Variants in GRM8 observed in about 807,000 individuals in gnomAD.
The protein encoded by GRM8 is metabotropic glutamate receptor 8.
In GRM8, 47 loss-of-function variants were observed where a neutral mutation model predicts 87.2. The ratio of observed to expected loss-of-function variants is 0.54; its 90% CI spans 0.43 to 0.69. The LOEUF is 0.69. Ranked by LOEUF, GRM8 falls within the 30% of genes least tolerant of loss-of-function variation. GRM8 has a pLI of 0.00. For missense variants in GRM8, 1,019 were observed against 1,139.2 expected (o/e 0.89, Z 1.52); for synonymous variants, 396 against 404.5 (o/e 0.98, Z 0.25).
chr7:126,464,026 T>C (rs1486598265), intron 9 of GRM8, among the ~76,000 whole-genome samples: 1 of 151,736 alleles, frequency 6.6e-6, no homozygotes, highest in African/African-American at 2.4e-5. Context: ...AGAAGCTGAA[T>C]TGCTTTTCCT....
chr7:126,607,972 G>C (rs1460834878), intron 8 of GRM8, among the ~76,000 whole-genome samples: 1 of 151,620 alleles, frequency 6.6e-6, no homozygotes, highest in Non-Finnish European at 1.5e-5. Context: ...CTGTGGAAGA[G>C]ATGCTGGATG....
chr7:126,455,642 T>G (rs1043392627), intron 9 of GRM8, among the ~76,000 whole-genome samples: 1 of 151,744 alleles, frequency 6.6e-6, no homozygotes, highest in African/African-American at 2.4e-5. Context: ...AAGAGCTGGA[T>G]AAGTTAATCT....
At chr7:126,876,866 A>G (rs2130948229) in intron 6 of GRM8, among the ~76,000 whole-genome samples, 1 of 152,244 alleles carries the variant, frequency 6.6e-6, no homozygotes, top group African/African-American at 2.4e-5. Context: ...TACTTGGGAA[A>G]TATACAGTAC....
chr7:126,675,252 A>T (rs1444332536), intron 7 of GRM8, among the ~76,000 whole-genome samples: 2 of 152,190 alleles, frequency 1.3e-5, no homozygotes, highest in Non-Finnish European at 2.9e-5. Context: ...CCTTAAAAAA[A>T]AATCTCCCTA....
chr7:127,201,767 G>T (rs1044505428), intron 2 of GRM8, among the ~76,000 whole-genome samples: 20 of 152,058 alleles, frequency 1.3e-4, no homozygotes, highest in African/African-American at 4.6e-4. Context: ...AGTACCAATA[G>T]GGTGAAGTCA....
chr7:126,743,666 C>T (rs1815288806), intron 7 of GRM8, among the ~76,000 whole-genome samples: 1 of 152,002 alleles, frequency 6.6e-6, no homozygotes, highest in Non-Finnish European at 1.5e-5. Flanking sequence ...ATTTGAGTTG[C>T]TTCTCTAACA....
intron 8 of GRM8, among the ~76,000 whole-genome samples, chr7:126,587,907 AT>A (rs1027506790): frequency 2.8e-5 from 4 of 144,406 alleles, no homozygotes; most frequent in Admixed American, 6.9e-5. Flanking sequence ...AAATCCCAAG[AT>A]TAAAAAAAAA....
chr7:126,779,815 A>G (rs1358606280), intron 6 of GRM8, among the ~76,000 whole-genome samples: 2 of 152,162 alleles, frequency 1.3e-5, no homozygotes, highest in Non-Finnish European at 2.9e-5. Context: ...GCAAGCCCAG[A>G]TTAAGTCCTA....
intron 9 of GRM8, among the ~76,000 whole-genome samples, chr7:126,501,491 G>A (rs1809636914): frequency 6.6e-6 from 1 of 152,000 alleles, no homozygotes; most frequent in Non-Finnish European, 1.5e-5. Context: ...TAGAAGCACT[G>A]GCAAAGTGGC....
intron 6 of GRM8, among the ~76,000 whole-genome samples, chr7:126,804,368 C>T (rs1248586555): frequency 1.3e-5 from 2 of 152,332 alleles, no homozygotes; most frequent in Admixed American, 6.5e-5. Flanking sequence ...TTCTACAAAT[C>T]CCCTCCAACT....
chr7:126,438,971 T>C lies in GRM8; in HGVS notation c.*148A>G. ...CTCCCCGTTTATTGATACTTTTGGC[T>C]CATGGCTAATTTTTGTTCCTTACAA... On this transcript the variant is annotated 3_prime_UTR_variant, in exon 11 of 11. Transcript: ENST00000339582. The C allele has an allele frequency of 1.6e-6, 1 of 629,434 alleles. No homozygotes were observed. Among genetic ancestry groups the C allele is most frequent in the East Asian group, 2.6e-5 (1 of 38,590 alleles). 39.0% of individuals were successfully genotyped at this position (629,434 alleles called of 1,614,324 possible).
At chr7:127,055,361 T>C (rs1046267462) in intron 3 of GRM8, among the ~76,000 whole-genome samples, 1 of 152,068 alleles carries the variant, frequency 6.6e-6, no homozygotes, top group Non-Finnish European at 1.5e-5. Context: ...ATAAAGGAGA[T>C]TGTGACTTGG....
In GRM8 at chr7:127,188,289, T is replaced by G. The variant is rs1164805926; in HGVS notation, c.510+54406A>C. Among the ~76,000 whole-genome samples, 5 of 152,222 alleles carry G rather than the reference T, an allele frequency of 3.3e-5. No homozygotes were observed. The South Asian group carries it at 8.3e-4, about 25-fold the overall frequency. ...AGTGACTGAGCCAAATGTCATTGGT[T>G]CTAAATGATTATGCCTCTGAAATAA... is the stretch of plus-strand genomic sequence containing the variant. On this transcript the variant is annotated intron_variant, in intron 2 of 10. Coordinates refer to ENST00000339582, the MANE Select transcript of GRM8 (RefSeq NM_000845.3).
chr7:126,457,065 C>G (rs1803331305), intron 9 of GRM8, among the ~76,000 whole-genome samples: 2 of 151,128 alleles, frequency 1.3e-5, no homozygotes, highest in South Asian at 4.2e-4. Context: ...TGGAATGTGT[C>G]TGTGTGTGTG....
At chr7:127,015,219 AG>A (rs1374372949) in intron 3 of GRM8, among the ~76,000 whole-genome samples, 4 of 138,778 alleles carry the variant, frequency 2.9e-5, no homozygotes, top group African/African-American at 1.1e-4. Context: ...AAGAAGAAGA[AG>A]AAGAAGAAGA....
chr7:126,588,203 A>C (rs576023736), intron 8 of GRM8, among the ~76,000 whole-genome samples: 1 of 152,366 alleles, frequency 6.6e-6, no homozygotes, highest in Non-Finnish European at 1.5e-5. Context: ...GAAGAGTATT[A>C]GAATAACTTA....
intron 7 of GRM8, among the ~76,000 whole-genome samples, chr7:126,744,962 AT>A (rs1815473106): frequency 8.1e-6 from 1 of 122,850 alleles, no homozygotes; most frequent in Non-Finnish European, 1.9e-5. Flanking sequence ...TTAACATGTA[AT>A]TGATTTATTA....
chr7:126,874,693 T>C (rs1799390977), intron 6 of GRM8, among the ~76,000 whole-genome samples: 1 of 152,090 alleles, frequency 6.6e-6, no homozygotes, highest in Non-Finnish European at 1.5e-5. Flanking sequence ...TCCCAAACCA[T>C]GTCTGTCTCA....
intron 6 of GRM8, among the ~76,000 whole-genome samples, chr7:126,892,621 G>C (rs1244649752): frequency 1.3e-5 from 2 of 152,096 alleles, no homozygotes; most frequent in African/African-American, 4.8e-5. Context: ...CTTTACAGCA[G>C]CATGATTTAT....
Sources: gnomAD v4.1 joint callset for allele counts (sites outside exome capture counted in the v4.1 genomes callset) on GRCh38, gnomAD v4.1.1 for gene constraint, MANE v1.5 for transcripts, NCBI Gene and HGNC (gene_info 2026-07-23, HGNC 2026-07-21) for gene names.